Variants in NTN1 observed in about 807,000 individuals in gnomAD.
The protein encoded by NTN1 is netrin-1.
Under a neutral mutation model 54.2 loss-of-function variants are expected in NTN1, and 11 were observed. That is an observed-to-expected ratio of 0.20 (90% confidence interval 0.13 to 0.34). The LOEUF (loss-of-function observed/expected upper bound fraction) is 0.34. Among genes scored for constraint, NTN1 ranks in the 10% least tolerant of loss-of-function variants. The pLI, the probability that NTN1 is intolerant of heterozygous loss-of-function variation, is 1.00. For synonymous variants in NTN1, 371 were observed against 382.0 expected (o/e 0.97, Z 0.33); for missense variants, 740 against 893.1 (o/e 0.83, Z 2.18).
Position 9,118,742 on chromosome 17 carries a change from A to G in NTN1, c.1019-44071A>G, listed in dbSNP as rs530163411. ...CATTTCATAGAAATGAAATCATATA[A>G]TATGTGACCTTTTATGTGTGGCTTC... On this transcript the variant is annotated intron_variant, in intron 2 of 6. Coordinates refer to ENST00000173229, the MANE Select transcript of NTN1 (RefSeq NM_004822.3). 1.5e-3 allele frequency among the ~76,000 whole-genome samples: 225 copies of G among 152,288 alleles called. 3 individuals are homozygous for G. The highest frequency in any genetic ancestry group is 2.6e-4 in the Non-Finnish European group (18 of 68,028).
Position 9,221,147 on chromosome 17 carries a change from T to TGCCCCCCCCC in NTN1, c.1412-21_1412-20insGCCCCCCCCC. 2 of 1,303,812 alleles carry TGCCCCCCCCC rather than the reference T, an allele frequency of 1.5e-6. No individual in the cohort carries two copies. Among genetic ancestry groups the TGCCCCCCCCC allele is most frequent in the Non-Finnish European group, 2.1e-6 (2 of 952,884 alleles). 80.8% of individuals were successfully genotyped at this position (1,303,812 alleles called of 1,614,324 possible). ...CAGCCTAATTAGTTTTTGTCTGTGCTCCCCCCCCACCCCCCTGCAGACTGC... is the reference window on the plus strand; with the variant it reads ...CAGCCTAATTAGTTTTTGTCTGTGCTGCCCCCCCCCCCCCCCCCACCCCCCTGCAGACTGC... On this transcript the variant is annotated intron_variant, in intron 5 of 6. Transcript: ENST00000173229. This position sits in a 1 kb window ranked among gnomAD's most constrained non-coding sequence, Gnocchi z 4.5.
chr17:9,018,357 C>T (rs922157758), upstream of NTN1, among the ~76,000 whole-genome samples: 18 of 152,070 alleles, frequency 1.2e-4, no homozygotes, highest in East Asian at 3.9e-4. Flanking sequence ...ATAGGCTGGG[C>T]GCGGTGGCTC....
intron 6 of NTN1, among the ~76,000 whole-genome samples, chr17:9,231,501 G>C (rs1187244464): frequency 6.6e-6 from 1 of 152,216 alleles, no homozygotes; most frequent in African/African-American, 2.4e-5. Flanking sequence ...CGAGTTCCGA[G>C]CCAAGTCCCG....
Position 9,022,873 on chromosome 17 carries a change from A to G in NTN1, c.500A>G (p.Tyr167Cys). The G allele has an allele frequency of 1.2e-6, 2 of 1,612,218 alleles. No homozygotes were observed. Among genetic ancestry groups the G allele is most frequent in the Non-Finnish European group, 1.7e-6 (2 of 1,179,878 alleles). The change falls in exon 2 of 7, where the codon TAC becomes TGC. Residue 167 changes from tyrosine (Y) to cysteine (C), a missense_variant. By Grantham distance (194) the Tyr-to-Cys change is radical (BLOSUM62 -2). Transcript: ENST00000173229. ...ATGGCCATCTACAAGTCCATGGACTACGGGCGCACGTGGGTGCCCTTCCAG... is the reference window on the plus strand; with the variant it reads ...ATGGCCATCTACAAGTCCATGGACTGCGGGCGCACGTGGGTGCCCTTCCAG... The part of the protein sequence containing the change: ...ESMAIYKSMD[Y>C]GRTWVPFQFY...
intron 2 of NTN1, among the ~76,000 whole-genome samples, chr17:9,046,864 A>G (rs1223536564): frequency 6.6e-6 from 1 of 152,182 alleles, no homozygotes; most frequent in African/African-American, 2.4e-5. Context: ...CGATCCAGCA[A>G]TTCCATTCCT....
At chr17:9,204,624 C>T (rs979246731) in intron 5 of NTN1, among the ~76,000 whole-genome samples, 2 of 152,122 alleles carry the variant, frequency 1.3e-5, no homozygotes, top group African/African-American at 2.4e-5. Context: ...CTGTGGCCTG[C>T]GTCCAGTCTA....
chr17:9,122,657 G>T (rs2092234905), intron 2 of NTN1, among the ~76,000 whole-genome samples: 1 of 152,180 alleles, frequency 6.6e-6, no homozygotes, highest in African/African-American at 2.4e-5. Context: ...TCTATTTGGT[G>T]TAGAAAAATT....
chr17:9,073,525 T>G (rs753975707), intron 2 of NTN1, among the ~76,000 whole-genome samples: 53 of 152,328 alleles, frequency 3.5e-4, no homozygotes, highest in Non-Finnish European at 5.6e-4. Context: ...TTCCTTGTGC[T>G]GGGTCTTCCT....
At chr17:9,104,411 C>A (rs1050158313) in intron 2 of NTN1, among the ~76,000 whole-genome samples, 3 of 152,150 alleles carry the variant, frequency 2.0e-5, no homozygotes, top group African/African-American at 7.2e-5. Flanking sequence ...TAGATGATTG[C>A]AGATAATAAC....
In NTN1 at chr17:9,116,752, A is replaced by G. The variant is rs1309717888; in HGVS notation, c.1019-46061A>G. 2.6e-5 allele frequency among the ~76,000 whole-genome samples: 4 copies of G among 152,170 alleles called. No homozygotes were observed. In the East Asian group the frequency reaches 7.7e-4, roughly 29 times the overall value. ...TGGGGACTGACTGTCCTTTCACAGA[A>G]CTTGTGGGAAAATACCTCTTCTCTT... On this transcript the variant is annotated intron_variant, in intron 2 of 6. Coordinates refer to ENST00000173229, the MANE Select transcript of NTN1 (RefSeq NM_004822.3).
At chr17:9,027,906 C>G (rs571658794) in intron 2 of NTN1, among the ~76,000 whole-genome samples, 1 of 152,202 alleles carries the variant, frequency 6.6e-6, no homozygotes, top group South Asian at 2.1e-4. Flanking sequence ...GTCAGAACCC[C>G]TCTTTAAGAA....
At chr17:9,206,011 G>T (rs1410440096) in intron 5 of NTN1, among the ~76,000 whole-genome samples, 1 of 152,212 alleles carries the variant, frequency 6.6e-6, no homozygotes, top group African/African-American at 2.4e-5. Context: ...TGCCTCTGAG[G>T]CTGAGGCAGC....
At chr17:9,029,782 A>G (rs2091883198) in intron 2 of NTN1, among the ~76,000 whole-genome samples, 2 of 152,218 alleles carry the variant, frequency 1.3e-5, no homozygotes, top group Non-Finnish European at 2.9e-5. Flanking sequence ...TCATGAGGTC[A>G]GGAGATGGAG....
intron 6 of NTN1, among the ~76,000 whole-genome samples, chr17:9,235,578 T>C (rs988373391): frequency 4.6e-5 from 7 of 152,272 alleles, no homozygotes; most frequent in African/African-American, 1.7e-4. Context: ...CAGAAACTTA[T>C]TGCTCATAGT....
chr17:9,181,012 A>G (rs1040665462), intron 4 of NTN1, among the ~76,000 whole-genome samples: 22 of 152,188 alleles, frequency 1.4e-4, no homozygotes, highest in African/African-American at 4.8e-4. Flanking sequence ...TCAGGGAATT[A>G]GGAGTTCTCA....
Position 9,221,830 on chromosome 17 carries a change from C to T in NTN1, c.1486+588C>T, listed in dbSNP as rs1342947291. Among the ~76,000 whole-genome samples the T allele has an allele frequency of 4.6e-5, 7 of 152,016 alleles. No homozygotes were observed. The highest frequency in any genetic ancestry group is 6.5e-5 in the Admixed American group (1 of 15,270). ...CACCTGTGACCTCAGGCTCCCTTCC[C>T]GGGAAGGGTGTGTCCTGTCCCCTTG... On this transcript the variant is annotated intron_variant, in intron 6 of 6. Transcript: ENST00000173229. The surrounding 1 kb of genome is among the most constrained non-coding windows in gnomAD (Gnocchi z 4.5).
intron 2 of NTN1, among the ~76,000 whole-genome samples, chr17:9,121,769 G>C (rs959130379): frequency 6.6e-6 from 1 of 152,128 alleles, no homozygotes; most frequent in African/African-American, 2.4e-5. Context: ...TGACTCCTTG[G>C]ATGCCACAGC....
At chr17:9,213,037 G>T (rs1403893295) in intron 5 of NTN1, among the ~76,000 whole-genome samples, 1 of 152,228 alleles carries the variant, frequency 6.6e-6, no homozygotes, top group African/African-American at 2.4e-5. Context: ...GAGGCAGGAC[G>T]GTCTCGGCCG....
At chr17:9,006,688 T>C in the NTN1 span, among the ~76,000 whole-genome samples, 1 of 152,242 alleles carries the variant, frequency 6.6e-6, no homozygotes, top group Non-Finnish European at 1.5e-5. Flanking sequence ...ACCCAACTAA[T>C]GCTATGCCCA....
Sources: gnomAD v4.1 joint callset for allele counts (sites outside exome capture counted in the v4.1 genomes callset) on GRCh38, gnomAD v4.1.1 for gene constraint, Gnocchi (gnomAD v3.1) non-coding constraint, MANE v1.5 for transcripts, NCBI Gene and HGNC (gene_info 2026-07-23, HGNC 2026-07-21) for gene names.